MADCAM1: variants seen among roughly 807,000 people sequenced by gnomAD.
The protein encoded by MADCAM1 is mucosal vascular addressin cell adhesion molecule 1.
Under a neutral mutation model 26.1 loss-of-function variants are expected in MADCAM1, and 19 were observed. The ratio of observed to expected loss-of-function variants is 0.73; its 90% CI spans 0.51 to 1.07. The LOEUF is 1.07. MADCAM1 is among the 50% of genes least tolerant of loss of function. The pLI, the probability that MADCAM1 is intolerant of heterozygous loss-of-function variation, is 0.00. For synonymous variants in MADCAM1, 268 were observed against 260.9 expected, an observed-to-expected ratio of 1.03 and a Z score of -0.26; for missense variants, 514 against 542.1, an observed-to-expected ratio of 0.95 and a Z score of 0.51.
intron 3 of MADCAM1, chr19:500,168 C>G (rs777157701): frequency 4.4e-6 from 2 of 456,212 alleles, no homozygotes; most frequent in Non-Finnish European, 8.8e-6. Flanking sequence ...CAACTCTCCT[C>G]GTCCACAGCC....
Position 496,497 on chromosome 19 carries a change from A to T in MADCAM1, c.-3A>T, listed in dbSNP as rs752632106. The T allele has an allele frequency of 1.5e-6, 2 of 1,309,010 alleles. No individual in the cohort carries two copies. Among genetic ancestry groups the T allele is most frequent in the Non-Finnish European group, 2.0e-6 (2 of 1,021,756 alleles). The allele number at this position is 1,309,010 out of a possible 1,614,324, so 81.1% of individuals were successfully genotyped here. Reference sequence around the variant, plus strand: ...CGCGGCCTCGGGACAGAGGGGACTGAGCATGGATTTCGGACTGGCCCTCCT... The same window carrying T: ...CGCGGCCTCGGGACAGAGGGGACTGTGCATGGATTTCGGACTGGCCCTCCT... On this transcript the variant is annotated 5_prime_UTR_variant, in exon 1 of 5. Coordinates refer to ENST00000215637, the MANE Select transcript of MADCAM1 (RefSeq NM_130760.3).
intron 3 of MADCAM1, chr19:499,407 C>T (rs1304104242): frequency 2.2e-6 from 1 of 452,026 alleles, no homozygotes; most frequent in Non-Finnish European, 4.4e-6. Flanking sequence ...CACACAAGCA[C>T]ACACATGTAC....
chr19:499,099 G>T, intron 3 of MADCAM1: 1 of 657,796 alleles, frequency 1.5e-6, no homozygotes, highest in South Asian at 1.5e-5. Context: ...ACAGGAACCT[G>T]CACGACCTAC....
At position 504,255 on chromosome 19, in the gene MADCAM1, CTTTT is replaced by C. The variant is rs141972615; in HGVS notation, c.929-469_929-466del. 2.8e-3 allele frequency among the ~76,000 whole-genome samples: 243 copies of C among 88,178 alleles called. 3 individuals carry two copies. Among genetic ancestry groups the C allele is most frequent in the Non-Finnish European group, 4.2e-3 (185 of 44,044 alleles). 57.8% of individuals were successfully genotyped at this position (88,178 alleles called of 152,430 possible). On this transcript the variant is annotated intron_variant, in intron 4 of 4. Coordinates refer to ENST00000215637, the MANE Select transcript of MADCAM1 (RefSeq NM_130760.3). ...TGAGCCGTCCTCTCTCCGGTCTGCC[CTTTT>C]TTTTTTTTTTTTTTTTTTTTGAGAG...
chr19:503,380 G>A (rs1426851694), intron 4 of MADCAM1, among the ~76,000 whole-genome samples: 1 of 151,472 alleles, frequency 6.6e-6, no homozygotes, highest in Non-Finnish European at 1.5e-5. Context: ...AGGAGATCGA[G>A]ACCATCCTGG....
chr19:502,306 T>A (rs62130834), intron 4 of MADCAM1, among the ~76,000 whole-genome samples: 2 of 151,800 alleles, frequency 1.3e-5, no homozygotes, highest in Non-Finnish European at 2.9e-5. Context: ...GTAATTTCTT[T>A]CCTTTTTTTT....
intron 4 of MADCAM1, among the ~76,000 whole-genome samples, chr19:502,150 C>T (rs923982915): frequency 6.6e-6 from 1 of 152,164 alleles, no homozygotes; most frequent in Non-Finnish European, 1.5e-5. Context: ...CCTCAGTTTC[C>T]TTGTCTGTCC....
At chr19:499,142 C>A in intron 3 of MADCAM1, 1 of 582,644 alleles carries the variant, frequency 1.7e-6, no homozygotes, top group Non-Finnish European at 3.2e-6. Context: ...TCCACCCTTT[C>A]TCCCCCTCCT....
At chr19:498,877 C>T in intron 3 of MADCAM1, 52 bp downstream of exon 3, 2 of 546,386 alleles carry the variant, frequency 3.7e-6, no homozygotes, top group Non-Finnish European at 3.0e-6. Flanking sequence ...CCTTGACAAG[C>T]ACTTCGGGAC....
intron 3 of MADCAM1, 85 bp from the exon 4 acceptor site, chr19:501,584 C>A: frequency 6.8e-7 from 1 of 1,463,452 alleles, no homozygotes; most frequent in Non-Finnish European, 9.2e-7. Context: ...CTGGTCCAAG[C>A]CCTTCATCCA....
At chr19:502,056 TC>T (rs1978375082) in intron 4 of MADCAM1, 127 bp downstream of exon 4, 1 of 1,063,342 alleles carries the variant, frequency 9.4e-7, no homozygotes, top group East Asian at 2.9e-5. Context: ...AGCCTCAGTT[TC>T]CCCGTCTGCC....
chr19:501,953 G>A, intron 4 of MADCAM1, 24 bp downstream of exon 4: 1 of 1,453,944 alleles, frequency 6.9e-7, no homozygotes, highest in Non-Finnish European at 9.1e-7. Flanking sequence ...CCTGGGGGCA[G>A]GGAGGGTGGG....
Position 498,537 on chromosome 19 carries a change from C to G in MADCAM1, c.379C>G (p.Pro127Ala). 6.8e-7 allele frequency: 1 copy of G among 1,470,740 alleles called. No homozygotes were observed. The highest frequency in any genetic ancestry group is 9.0e-7 in the Non-Finnish European group (1 of 1,116,280). The allele number at this position is 1,470,740 out of a possible 1,614,324, so 91.1% of individuals were successfully genotyped here. Reference sequence around the variant, plus strand: ...GACCGTCTCCCCAGCAGCCCTGGTGCCTGGTGACCCGGAGGTGGCCTGTAC... The same window carrying G: ...GACCGTCTCCCCAGCAGCCCTGGTGGCTGGTGACCCGGAGGTGGCCTGTAC... The part of the protein sequence containing the change: ...QLTVSPAALV[P>A]GDPEVACTAH... The change falls in exon 3 of 5, where the codon CCT becomes GCT. Residue 127 changes from proline to alanine, a missense_variant. Physicochemically the swap from Pro to Ala is conservative, Grantham distance 27. Around this residue, in one of 3 missense-constraint regions of MADCAM1, gnomAD observed 317 missense variants for 313.6 expected, o/e 1.01. Coordinates refer to ENST00000215637, the MANE Select transcript of MADCAM1 (RefSeq NM_130760.3).
chr19:505,038 C>A lies in MADCAM1; in HGVS notation c.*73C>A. Reference sequence around the variant, plus strand: ...AAGTTGAGAACTGGTCAGGGCAAACCTGCCTCCCATTCTACTCAAAGTCAT... The same window carrying A: ...AAGTTGAGAACTGGTCAGGGCAAACATGCCTCCCATTCTACTCAAAGTCAT... On this transcript the variant is annotated 3_prime_UTR_variant, in exon 5 of 5. Transcript: ENST00000215637. 1 of 1,114,772 alleles carries A rather than the reference C, an allele frequency of 9.0e-7. No homozygotes were observed. The highest frequency in any genetic ancestry group is 1.3e-6 in the Non-Finnish European group (1 of 794,456). The allele number at this position is 1,114,772 out of a possible 1,614,324, so 69.1% of individuals were successfully genotyped here.
Position 498,648 on chromosome 19 carries a change from C to A in MADCAM1, c.490C>A (p.Leu164Met), listed in dbSNP as rs746970003. The change falls in exon 3 of 5, where the codon CTG becomes ATG. Residue 164 changes from leucine to methionine, a missense_variant. By Grantham distance (15) the Leu-to-Met change is conservative. Around this residue, in one of 3 missense-constraint regions of MADCAM1, gnomAD observed 317 missense variants for 313.6 expected, o/e 1.01. Coordinates refer to ENST00000215637, the MANE Select transcript of MADCAM1 (RefSeq NM_130760.3). ...GGQELEGAQA[L>M]GPEVQEEEEE... is the part of the protein sequence containing the mutation. ...CCAGGAACTGGAGGGGGCGCAAGCC[C>A]TGGGCCCGGAGGTGCAGGAGGAGGA... The A allele has an allele frequency of 4.8e-6, 7 of 1,463,904 alleles. No individual in the cohort carries two copies. In the African/African-American group the frequency reaches 8.7e-5, roughly 18 times the overall value. 90.7% of individuals were successfully genotyped at this position (1,463,904 alleles called of 1,614,324 possible).
intron 1 of MADCAM1, among the ~76,000 whole-genome samples, chr19:497,057 A>G (rs1431600137): frequency 1.2e-3 from 4 of 3,210 alleles, no homozygotes; most frequent in South Asian, 0.017. Context: ...GAGAGGAGGG[A>G]CGCAGGAGAG....
At chr19:499,910 T>G (rs1015880210) in intron 3 of MADCAM1, 3 of 450,088 alleles carry the variant, frequency 6.7e-6, no homozygotes, top group Non-Finnish European at 8.9e-6. Context: ...ATACCCATGT[T>G]AATGGACGTG....
chr19:504,007 A>T (rs1028878099), intron 4 of MADCAM1, among the ~76,000 whole-genome samples: 3 of 151,616 alleles, frequency 2.0e-5, no homozygotes, highest in African/African-American at 4.8e-5. Flanking sequence ...GTGAGCTAAG[A>T]TCACGCCATT....
intron 1 of MADCAM1, 128 bp downstream of exon 1, chr19:496,679 G>T (rs1976575858): frequency 3.0e-6 from 1 of 330,054 alleles, no homozygotes; most frequent in Non-Finnish European, 4.2e-6. Context: ...AGGGGGCCCA[G>T]GAGAGGGGAG....
Sources: allele counts gnomAD v4.1 joint callset (sites outside exome capture counted in the v4.1 genomes callset), GRCh38; gene constraint gnomAD v4.1.1; regional missense constraint gnomAD v4.1.1; transcripts MANE v1.5; gene names NCBI Gene and HGNC (gene_info 2026-07-23, HGNC 2026-07-21).